The following ZNF503 variants were observed in gnomAD, a reference collection of about 807,000 sequenced individuals.
The protein encoded by ZNF503 is NocA-like zinc finger 2.
Under a neutral mutation model 34.4 loss-of-function variants are expected in ZNF503, and 15 were observed. That is an observed-to-expected ratio of 0.44 (90% CI 0.29 to 0.67). The LOEUF is 0.67. ZNF503 is among the 30% of genes least tolerant of loss of function. The probability of loss-of-function intolerance (pLI) is 0.13; values close to 1 mark genes in which losing one functional copy is unlikely to be tolerated. For missense variants in ZNF503, 1,007 were observed against 926.8 expected, an observed-to-expected ratio of 1.09 and a Z score of -1.12; for synonymous variants, 580 against 456.8, an observed-to-expected ratio of 1.27 and a Z score of -3.44.
the ZNF503 span, among the ~76,000 whole-genome samples, chr10:75,341,316 T>G: frequency 6.6e-6 from 1 of 152,230 alleles, no homozygotes; most frequent in Non-Finnish European, 1.5e-5. Context: ...CCTGAATACA[T>G]GTAGTTGATA....
chr10:75,400,269 C>G lies in ZNF503; in HGVS notation c.421G>C (p.Gly141Arg). The G allele has an allele frequency of 6.2e-7, 1 of 1,613,328 alleles. No individual in the cohort carries two copies. Among genetic ancestry groups the G allele is most frequent in the Admixed American group, 1.7e-5 (1 of 59,994 alleles). ...CCGCCGGCACCGCCCGCGCCGCCCCCGTTGGAGGCAACCGAGGAGAGTTTG... is the reference window on the plus strand; with the variant it reads ...CCGCCGGCACCGCCCGCGCCGCCCCGGTTGGAGGCAACCGAGGAGAGTTTG... Reference protein sequence around the residue: ...SSKLSSVASNGGGAGGAGGGA... With the variant: ...SSKLSSVASNRGGAGGAGGGA... The change falls in exon 2 of 2, where the codon GGG becomes CGG. Residue 141 changes from glycine to arginine, a missense_variant. Gly to Arg is a moderately radical substitution (Grantham distance 125, BLOSUM62 -2). Coordinates refer to ENST00000372524, the MANE Select transcript of ZNF503 (RefSeq NM_032772.6).
chr10:75,370,387 T>A, the ZNF503 span, among the ~76,000 whole-genome samples: 2 of 152,230 alleles, frequency 1.3e-5, no homozygotes, highest in East Asian at 3.9e-4. Context: ...GGCACACAAA[T>A]CAATGAGTGA....
At chr10:75,380,438 A>C in the ZNF503 span, among the ~76,000 whole-genome samples, 1 of 152,132 alleles carries the variant, frequency 6.6e-6, no homozygotes, top group East Asian at 1.9e-4. Flanking sequence ...GGAGCTCAGC[A>C]CGGTACCTAT....
chr10:75,361,752 T>C, the ZNF503 span: 1 of 152,196 alleles, frequency 6.6e-6, no homozygotes, highest in Admixed American at 6.5e-5. Context: ...AGGTCTTAGA[T>C]TTCTTGATGC....
the ZNF503 span, among the ~76,000 whole-genome samples, chr10:75,289,980 C>T: frequency 6.6e-6 from 1 of 152,178 alleles, no homozygotes; most frequent in Admixed American, 6.5e-5. Flanking sequence ...AAACTCTGTA[C>T]CCACTAAACA....
chr10:75,325,683 A>G, the ZNF503 span, among the ~76,000 whole-genome samples: 1 of 152,332 alleles, frequency 6.6e-6, no homozygotes, highest in South Asian at 2.1e-4. Context: ...TGGGGTTGCA[A>G]TGAATCTACA....
chr10:75,352,760 TAACTC>T, the ZNF503 span, among the ~76,000 whole-genome samples: 1 of 152,214 alleles, frequency 6.6e-6, no homozygotes, highest in South Asian at 2.1e-4. Context: ...GGTCCTCTAA[TAACTC>T]AATAACTCAA....
chr10:75,335,087 G>T, the ZNF503 span, among the ~76,000 whole-genome samples: 1 of 152,098 alleles, frequency 6.6e-6, no homozygotes, highest in South Asian at 2.1e-4. Context: ...TCATTTACTT[G>T]CATTGTGATC....
chr10:75,354,556 A>T, the ZNF503 span, among the ~76,000 whole-genome samples: 1 of 150,238 alleles, frequency 6.7e-6, no homozygotes. Flanking sequence ...CTACAAAATA[A>T]AAAAAAAAAT....
At chr10:75,383,417 T>C in the ZNF503 span, among the ~76,000 whole-genome samples, 1 of 152,160 alleles carries the variant, frequency 6.6e-6, no homozygotes. Context: ...TCTGCTTTCT[T>C]TTCTAGGATT....
At chr10:75,317,890 G>C in the ZNF503 span, among the ~76,000 whole-genome samples, 2 of 152,002 alleles carry the variant, frequency 1.3e-5, no homozygotes, top group Admixed American at 1.3e-4. Context: ...CAGCTACTTG[G>C]GAGGCTGAGG....
chr10:75,341,537 A>G, the ZNF503 span, among the ~76,000 whole-genome samples: 6 of 152,362 alleles, frequency 3.9e-5, no homozygotes, highest in African/African-American at 1.2e-4. Context: ...AATTACTGAT[A>G]TAAAGTAAAA....
chr10:75,297,013 C>T, the ZNF503 span, among the ~76,000 whole-genome samples: 1 of 152,330 alleles, frequency 6.6e-6, no homozygotes, highest in Admixed American at 6.5e-5. Flanking sequence ...CAGTTTCTCT[C>T]TCCAGCCTTA....
In ZNF503 at chr10:75,401,269, C is replaced by T. The variant is rs377658290; in HGVS notation, c.151G>A (p.Gly51Ser). 8.8e-6 allele frequency: 14 copies of T among 1,591,086 alleles called. No homozygotes were observed. In the African/African-American group the frequency reaches 9.4e-5, roughly 11 times the overall value. The stretch of plus-strand genomic sequence containing the variant: ...GCGTGCACAAAAGGCTTGGTGCTGC[C>T]GGCCGGGGACGAGCCTGGGCCGGGG... ...SGPGPGSSPA[G>S]STKPFVHAVP... Residue 51 changes from glycine (G) to serine (S), a missense_variant, in exon 1 of 2, where the codon GGC becomes AGC. Coordinates refer to ENST00000372524, the MANE Select transcript of ZNF503 (RefSeq NM_032772.6).
the ZNF503 span, among the ~76,000 whole-genome samples, chr10:75,326,446 A>G: frequency 2.0e-5 from 3 of 151,998 alleles, no homozygotes; most frequent in African/African-American, 7.3e-5. Flanking sequence ...TTGGCTGGAA[A>G]TGTCTTTATT....
the ZNF503 span, among the ~76,000 whole-genome samples, chr10:75,381,802 A>ATTTTTTTT: frequency 1.9e-4 from 8 of 41,368 alleles, no homozygotes; most frequent in African/African-American, 4.9e-4. Flanking sequence ...ACAGAACCTA[A>ATTTTTTTT]TTCTTTTTTT....
At chr10:75,350,176 GC>G in the ZNF503 span, among the ~76,000 whole-genome samples, 1 of 152,230 alleles carries the variant, frequency 6.6e-6, no homozygotes, top group African/African-American at 2.4e-5. Context: ...GGGGCTGGGA[GC>G]CTGGAGGGCT....
the ZNF503 span, among the ~76,000 whole-genome samples, chr10:75,380,927 C>T: frequency 6.6e-6 from 1 of 152,170 alleles, no homozygotes; most frequent in African/African-American, 2.4e-5. Flanking sequence ...ATACAGACCT[C>T]GAATTGCATC....
chr10:75,301,061 C>CT, the ZNF503 span, among the ~76,000 whole-genome samples: 2 of 152,082 alleles, frequency 1.3e-5, no homozygotes, highest in Admixed American at 1.3e-4. Flanking sequence ...TATAGCCACT[C>CT]TAGCTCTCTT....
Sources: allele counts gnomAD v4.1 joint callset (sites outside exome capture counted in the v4.1 genomes callset), GRCh38; gene constraint gnomAD v4.1.1; transcripts MANE v1.5; gene names NCBI Gene and HGNC (gene_info 2026-07-23, HGNC 2026-07-21).